PRTFDC1: variants seen among roughly 807,000 people sequenced by gnomAD.
PRTFDC1 encodes the protein phosphoribosyltransferase domain-containing protein 1.
In PRTFDC1, 38 loss-of-function variants were observed where a neutral mutation model predicts 34.6. The observed-to-expected ratio is 1.10, with a 90% confidence interval of 0.85 to 1.44. The LOEUF (loss-of-function observed/expected upper bound fraction) is 1.44. Among genes scored for constraint, PRTFDC1 ranks in the 40% most tolerant of loss-of-function variants. The probability of loss-of-function intolerance (pLI) is 0.00; values close to 1 mark genes in which losing one functional copy is unlikely to be tolerated. For synonymous variants in PRTFDC1, 93 were observed against 98.1 expected, an observed-to-expected ratio of 0.95 and a Z score of 0.31; for missense variants, 270 against 283.0, an observed-to-expected ratio of 0.95 and a Z score of 0.33.
intron 3 of PRTFDC1, among the ~76,000 whole-genome samples, chr10:24,895,908 T>A (rs1848353852): frequency 6.6e-6 from 1 of 151,986 alleles, no homozygotes; most frequent in Non-Finnish European, 1.5e-5. Context: ...CTGGAAGTTA[T>A]GTCAACGCAT....
In PRTFDC1 at chr10:24,849,017, C is replaced by G. The variant is rs998418456; in HGVS notation, c.*827G>C. ...AAATAAGAGGAAAAATTTATACTTG[C>G]TTAGTTTCGAGCATTGAAAGCACTC... On this transcript the variant is annotated 3_prime_UTR_variant, in exon 9 of 9. Transcript: ENST00000320152. 8 of 152,168 alleles carry G rather than the reference C, an allele frequency of 5.3e-5. No homozygotes were observed. The highest frequency in any genetic ancestry group is 1.7e-4 in the African/African-American group (7 of 41,450). The allele number at this position is 152,168 out of a possible 1,614,324, so 9.4% of individuals were successfully genotyped here.
chr10:24,876,923 TC>T (rs1430487137), intron 3 of PRTFDC1, among the ~76,000 whole-genome samples: 1 of 141,434 alleles, frequency 7.1e-6, no homozygotes, highest in East Asian at 2.2e-4. Context: ...GTTTAAACAC[TC>T]CAGAAAAATA....
chr10:24,886,625 C>A (rs543262508), intron 3 of PRTFDC1, among the ~76,000 whole-genome samples: 1 of 152,104 alleles, frequency 6.6e-6, no homozygotes, highest in Admixed American at 6.6e-5. Context: ...TTTTTTACCC[C>A]CTTACATTCG....
chr10:24,921,633 C>T (rs866884091), intron 3 of PRTFDC1, among the ~76,000 whole-genome samples: 1 of 151,384 alleles, frequency 6.6e-6, no homozygotes, highest in African/African-American at 2.4e-5. Context: ...GTGCCCTTTT[C>T]CTCACCAAGA....
chr10:24,920,168 C>A (rs1483556012), intron 3 of PRTFDC1, among the ~76,000 whole-genome samples: 1 of 152,028 alleles, frequency 6.6e-6, no homozygotes, highest in Non-Finnish European at 1.5e-5. Context: ...TATAAAGATA[C>A]ATGCACACTT....
intron 3 of PRTFDC1, among the ~76,000 whole-genome samples, chr10:24,884,018 AG>A (rs901194585): frequency 6.6e-6 from 1 of 151,728 alleles, no homozygotes; most frequent in Non-Finnish European, 1.5e-5. Flanking sequence ...ATTTTAGTAG[AG>A]ACAGGGTTTG....
At chr10:24,853,851 C>T (rs1847532061) in intron 7 of PRTFDC1, among the ~76,000 whole-genome samples, 1 of 152,196 alleles carries the variant, frequency 6.6e-6, no homozygotes, top group Non-Finnish European at 1.5e-5. Flanking sequence ...GCAGCTCCTA[C>T]ACTTACATTT....
Position 24,849,780 on chromosome 10 carries a change from G to T in PRTFDC1, c.*64C>A. 1 of 1,525,150 alleles carries T rather than the reference G, an allele frequency of 6.6e-7. No individual in the cohort carries two copies. Among genetic ancestry groups the T allele is most frequent in the Non-Finnish European group, 9.1e-7 (1 of 1,101,500 alleles). 94.5% of individuals were successfully genotyped at this position (1,525,150 alleles called of 1,614,324 possible). ...GCCTGGGGGGACAAACTTGACAGCT[G>T]GCTTCCCAAGTACAGGCGTAAATAT... On this transcript the variant is annotated 3_prime_UTR_variant, in exon 9 of 9. Transcript: ENST00000320152.
chr10:24,893,092 CTA>C (rs1848292790), intron 3 of PRTFDC1, among the ~76,000 whole-genome samples: 2 of 152,002 alleles, frequency 1.3e-5, no homozygotes, highest in South Asian at 4.1e-4. Flanking sequence ...GTAGCACATC[CTA>C]TGTTACATAA....
chr10:24,889,558 G>C (rs888387355), intron 3 of PRTFDC1, among the ~76,000 whole-genome samples: 1 of 152,108 alleles, frequency 6.6e-6, no homozygotes, highest in African/African-American at 2.4e-5. Context: ...AGAGCTAAGG[G>C]GAAAAGGCAA....
chr10:24,921,718 A>G (rs1426813826), intron 3 of PRTFDC1, among the ~76,000 whole-genome samples: 1 of 151,350 alleles, frequency 6.6e-6, no homozygotes, highest in East Asian at 1.9e-4. Flanking sequence ...CTCTAGGAAA[A>G]AAAAAAAAAA....
intron 3 of PRTFDC1, among the ~76,000 whole-genome samples, chr10:24,909,930 C>T (rs1165526788): frequency 4.0e-5 from 6 of 151,366 alleles, no homozygotes; most frequent in South Asian, 4.2e-4. Context: ...GCGGGTGGAT[C>T]GCTTGAGGTC....
intron 2 of PRTFDC1, among the ~76,000 whole-genome samples, chr10:24,941,992 T>G (rs553699527): frequency 5.3e-5 from 8 of 152,184 alleles, no homozygotes; most frequent in Non-Finnish European, 1.2e-4. Flanking sequence ...TTTCCAAAGT[T>G]TATTTGATCA....
chr10:24,860,208 C>T (rs1211381984), intron 4 of PRTFDC1, among the ~76,000 whole-genome samples: 11 of 152,014 alleles, frequency 7.2e-5, no homozygotes, highest in African/African-American at 2.4e-4. Context: ...GGTGAAACCC[C>T]GTCTCTACTA....
chr10:24,942,884 G>A (rs1406446423), intron 1 of PRTFDC1, among the ~76,000 whole-genome samples: 2 of 152,108 alleles, frequency 1.3e-5, no homozygotes. Context: ...CTGACCTCAA[G>A]TGATCCACCT....
At chr10:24,924,202 G>C (rs560997837) in intron 3 of PRTFDC1, among the ~76,000 whole-genome samples, 3 of 152,314 alleles carry the variant, frequency 2.0e-5, no homozygotes, top group East Asian at 3.9e-4. Flanking sequence ...GTGATGGGGA[G>C]AATGAAACCA....
intron 4 of PRTFDC1, among the ~76,000 whole-genome samples, chr10:24,871,579 A>T (rs570354549): frequency 6.6e-6 from 1 of 151,846 alleles, no homozygotes; most frequent in South Asian, 2.1e-4. Flanking sequence ...TTCCCTCCCC[A>T]GATTTTGTAC....
At chr10:24,948,951 G>T (rs867284662) in intron 1 of PRTFDC1, among the ~76,000 whole-genome samples, 2 of 152,096 alleles carry the variant, frequency 1.3e-5, no homozygotes, top group Admixed American at 6.6e-5. Context: ...TTCAAATCCC[G>T]CTTCTGCCAT....
chr10:24,866,031 CT>C (rs934781287), intron 4 of PRTFDC1, among the ~76,000 whole-genome samples: 1 of 152,050 alleles, frequency 6.6e-6, no homozygotes, highest in Non-Finnish European at 1.5e-5. Context: ...CAAGGGGGAA[CT>C]TTTGGCAGTT....
Sources: allele counts gnomAD v4.1 joint callset (sites outside exome capture counted in the v4.1 genomes callset), GRCh38; gene constraint gnomAD v4.1.1; transcripts MANE v1.5; gene names NCBI Gene and HGNC (gene_info 2026-07-23, HGNC 2026-07-21).